MUC12: variants seen among roughly 807,000 people sequenced by gnomAD.
MUC12 encodes mucin 12, cell surface associated, also known as mucin-12.
In MUC12, 172 loss-of-function variants were observed where a neutral mutation model predicts 230.8. The ratio of observed to expected loss-of-function variants is 0.75; its 90% CI spans 0.66 to 0.85. MUC12 has a LOEUF of 0.85. Among genes scored for constraint, MUC12 ranks in the 40% least tolerant of loss-of-function variants. The pLI, the probability that MUC12 is intolerant of heterozygous loss-of-function variation, is 0.00. For synonymous variants in MUC12, 1,259 were observed against 2,401.9 expected (o/e 0.52, Z 13.91); for missense variants, 3,506 against 5,920.6 (o/e 0.59, Z 13.38).
intron 6 of MUC12, 94 bp downstream of exon 6, chr7:101,012,541 C>T (rs1793853671): frequency 7.3e-7 from 1 of 1,362,632 alleles, no homozygotes; most frequent in Non-Finnish European, 9.9e-7. Flanking sequence ...TTCTGGTACT[C>T]CCAAGACTTC....
rs776013369 is a variant in MUC12, at chr7:100,993,082, C to A, written c.2519C>A (p.Ala840Asp). Residue 840 changes from alanine to aspartate, a missense_variant, in exon 2 of 12, where the codon GCC becomes GAC. Physicochemically the swap from Ala to Asp is moderately radical, Grantham distance 126 (BLOSUM62 -2). Coordinates refer to ENST00000536621, the MANE Select transcript of MUC12 (RefSeq NM_001164462.2). ...PRSPATTLSP[A>D]STTSSGVSEE... ...TCACCAGCCACAACACTCTCACCTGCCAGCACGACAAGCTCAGGCGTCAGT... is the reference window on the plus strand; with the variant it reads ...TCACCAGCCACAACACTCTCACCTGACAGCACGACAAGCTCAGGCGTCAGT... The A allele has an allele frequency of 2.7e-5, 41 of 1,533,450 alleles. No homozygotes were observed. Among genetic ancestry groups the A allele is most frequent in the Non-Finnish European group, 3.6e-5 (41 of 1,146,690 alleles). The allele number at this position is 1,533,450 out of a possible 1,614,324, so 95.0% of individuals were successfully genotyped here.
At position 100,992,096 on chromosome 7, in the gene MUC12, C is replaced by G. The variant is rs1480943869; in HGVS notation, c.1533C>G (p.Ser511Arg). 4 of 1,537,266 alleles carry G rather than the reference C, an allele frequency of 2.6e-6. No individual in the cohort carries two copies. Among genetic ancestry groups the G allele is most frequent in the Admixed American group, 3.9e-5 (2 of 50,888 alleles). Residue 511 changes from serine (S) to arginine (R), a missense_variant, in exon 2 of 12, where the codon AGC becomes AGG. Transcript: ENST00000536621. ...CAGACACAACACACTTACCTGCCAG[C>G]ATGACAAGCTCAGGCGTCAGTGAAG... ...RSPDTTHLPASMTSSGVSEES... is the reference protein window; with the variant it reads ...RSPDTTHLPARMTSSGVSEES...
chr7:101,004,803 C>T lies in MUC12; in HGVS notation c.14240C>T (p.Ser4747Leu). 2.6e-6 allele frequency: 4 copies of T among 1,537,708 alleles called. No homozygotes were observed. The highest frequency in any genetic ancestry group is 8.7e-7 in the Non-Finnish European group (1 of 1,146,984). Residue 4747 changes from serine to leucine, a missense_variant, in exon 2 of 12, where the codon TCA becomes TTA. Physicochemically the swap from Ser to Leu is moderately radical, Grantham distance 145 (BLOSUM62 -2). Coordinates refer to ENST00000536621, the MANE Select transcript of MUC12 (RefSeq NM_001164462.2). ...ACCATCCTTTACAGTAGCTCCAGAT[C>T]ACCAGACCAAACACTCTCACCTGCC... ...KSTILYSSSR[S>L]PDQTLSPASM...
At chr7:100,977,389 C>A (rs921253489) in intron 1 of MUC12, among the ~76,000 whole-genome samples, 2 of 146,740 alleles carry the variant, frequency 1.4e-5, no homozygotes, top group African/African-American at 5.1e-5. Context: ...TTTTTTGAGA[C>A]GGAGTGTCTT....
At position 101,012,784 on chromosome 7, in the gene MUC12, TC is replaced by T; in HGVS notation, c.15404-34del. The T allele has an allele frequency of 2.6e-6, 4 of 1,531,072 alleles. No homozygotes were observed. In the South Asian group the frequency reaches 4.8e-5, roughly 18 times the overall value. The allele number at this position is 1,531,072 out of a possible 1,614,324, so 94.8% of individuals were successfully genotyped here. On this transcript the variant is annotated intron_variant, in intron 6 of 11. Transcript: ENST00000536621. ...CCCCAGGGAGGCAGAGGGAAGTGTT[TC>T]TATTCCATCTTCCTTCCCATCCACT...
rs781013388 is a variant in MUC12 at position 100,991,889 on chromosome 7, C to A, written c.1326C>A (p.Ser442Arg). 6.5e-6 allele frequency: 10 copies of A among 1,537,992 alleles called. No individual in the cohort carries two copies. Among genetic ancestry groups the A allele is most frequent in the Non-Finnish European group, 8.7e-6 (10 of 1,147,062 alleles). Residue 442 changes from serine to arginine, a missense_variant, in exon 2 of 12, where the codon AGC (serine) becomes AGA (arginine). By Grantham distance (110) the Ser-to-Arg change is moderately radical (BLOSUM62 -1). Coordinates refer to ENST00000536621, the MANE Select transcript of MUC12 (RefSeq NM_001164462.2). ...GRSEESKASHSSPDAMATTVL... is the reference protein window; with the variant it reads ...GRSEESKASHRSPDAMATTVL... ...GTGAGGAATCAAAAGCATCCCACAG[C>A]AGCCCAGATGCAATGGCAACAACAG...
Position 100,991,950 on chromosome 7 carries a change from G to A in MUC12, c.1387G>A (p.Gly463Arg). ...PAGSTPSVLVGDSTPSPISSG... is the reference protein window; with the variant it reads ...PAGSTPSVLVRDSTPSPISSG... Reference sequence around the variant, plus strand: ...CGGCTCTACACCCTCAGTTCTTGTTGGAGACTCGACGCCCTCACCCATCAG... The same window carrying A: ...CGGCTCTACACCCTCAGTTCTTGTTAGAGACTCGACGCCCTCACCCATCAG... The change falls in exon 2 of 12, where the codon GGA becomes AGA. Residue 463 changes from glycine (G) to arginine (R), a missense_variant. Physicochemically the swap from Gly to Arg is moderately radical, Grantham distance 125 (BLOSUM62 -2). Transcript: ENST00000536621. 6.5e-7 allele frequency: 1 copy of A among 1,537,814 alleles called. No homozygotes were observed. Among genetic ancestry groups the A allele is most frequent in the Non-Finnish European group, 8.7e-7 (1 of 1,147,050 alleles).
rs1165331467 is a variant in MUC12 at position 101,008,749 on chromosome 7, C to A, written c.15174C>A (p.Leu5058=). The change falls in exon 4 of 12, where the codon CTC becomes CTA. Residue 5058 remains leucine, a synonymous_variant. Coordinates refer to ENST00000536621, the MANE Select transcript of MUC12 (RefSeq NM_001164462.2). ...SSQEYQNFST[L]FKNRMDVVLK... ...AGGAATACCAGAACTTCAGTACCCT[C>A]TTCAAGAATCGGGTAAGACCAGGGC... 5 of 1,537,126 alleles carry A rather than the reference C, an allele frequency of 3.3e-6. No individual in the cohort carries two copies. Among genetic ancestry groups the A allele is most frequent in the Non-Finnish European group, 4.4e-6 (5 of 1,146,854 alleles).
In MUC12 at chr7:101,017,519, C is replaced by T. The variant is rs897311546; in HGVS notation, c.15878-56C>T. ...TTTTGCCAGAGGAAATCCCCTCTGC[C>T]CCCTAGTCCTCCCCCTACCAAGGCT... On this transcript the variant is annotated intron_variant, in intron 10 of 11. Coordinates refer to ENST00000536621, the MANE Select transcript of MUC12 (RefSeq NM_001164462.2). The T allele has an allele frequency of 8.9e-6, 10 of 1,124,058 alleles. No individual in the cohort carries two copies. In the African/African-American group the frequency reaches 1.1e-4, roughly 12 times the overall value. The allele number at this position is 1,124,058 out of a possible 1,614,324, so 69.6% of individuals were successfully genotyped here. A position where few individuals can be genotyped will look rare whatever the true frequency, so the allele number is the denominator to read the frequency against.
At chr7:101,018,119 C>T (rs1304248169) in intron 11 of MUC12, among the ~76,000 whole-genome samples, 6 of 6 alleles carry the variant, frequency 1, 3 homozygotes, top group Non-Finnish European at 1. Flanking sequence ...TTCCCTCCCT[C>T]CCCCTGGGAC....
chr7:100,977,071 AAAAAAAAAAAAG>A (rs1793043704), intron 1 of MUC12, among the ~76,000 whole-genome samples: 1 of 149,004 alleles, frequency 6.7e-6, no homozygotes, highest in African/African-American at 2.5e-5. Context: ...AAAAAAAAAA[AAAAAAAAAAAAG>A]AAATTGCTCA....
chr7:100,995,365 G>T lies in MUC12; in HGVS notation c.4802G>T (p.Ser1601Ile), dbSNP rs1382376365. ...GGCAGTACCACCATGCCAGGCGTCA[G>T]TCAGGAATCTACAGCTTCCCACAGC... The part of the protein sequence containing the change: ...FPGSTTMPGV[S>I]QESTASHSSP... Residue 1601 changes from serine (S) to isoleucine (I), a missense_variant, in exon 2 of 12, where the codon AGT (serine) becomes ATT (isoleucine). Physicochemically the swap from Ser to Ile is moderately radical, Grantham distance 142. Coordinates refer to ENST00000536621, the MANE Select transcript of MUC12 (RefSeq NM_001164462.2). 2.2e-5 allele frequency: 34 copies of T among 1,535,180 alleles called. No individual in the cohort carries two copies. The highest frequency in any genetic ancestry group is 2.9e-5 in the Non-Finnish European group (33 of 1,146,610).
rs749963339 is a variant in MUC12 at position 101,004,844 on chromosome 7, A to G, written c.14281A>G (p.Ser4761Gly). 3.3e-6 allele frequency: 5 copies of G among 1,537,020 alleles called. No individual in the cohort carries two copies. In the South Asian group the frequency reaches 4.8e-5, roughly 15 times the overall value. Residue 4761 changes from serine (S) to glycine (G), a missense_variant, in exon 2 of 12, where the codon AGC becomes GGC. Coordinates refer to ENST00000536621, the MANE Select transcript of MUC12 (RefSeq NM_001164462.2). ...TLSPASMTSSSISGEPTSLYS... is the reference protein window; with the variant it reads ...TLSPASMTSSGISGEPTSLYS... Reference sequence around the variant, plus strand: ...CTCACCTGCCAGCATGACAAGCTCCAGCATCAGTGGAGAACCCACCAGCTT... The same window carrying G: ...CTCACCTGCCAGCATGACAAGCTCCGGCATCAGTGGAGAACCCACCAGCTT...
chr7:100,995,937 G>T lies in MUC12; in HGVS notation c.5374G>T (p.Gly1792Cys). ...MHFPESSTAS[G>C]RSEESRTSHS... ...CTTCCCTGAAAGCTCCACAGCTTCA[G>T]GTCGTAGTGAAGAATCAAGAACTTC... Residue 1792 changes from glycine to cysteine, a missense_variant, in exon 2 of 12, where the codon GGT (glycine) becomes TGT (cysteine). Coordinates refer to ENST00000536621, the MANE Select transcript of MUC12 (RefSeq NM_001164462.2). 5.0e-6 allele frequency: 6 copies of T among 1,201,426 alleles called. No homozygotes were observed. Among genetic ancestry groups the T allele is most frequent in the Non-Finnish European group, 6.8e-6 (6 of 882,826 alleles). The allele number at this position is 1,201,426 out of a possible 1,614,324, so 74.4% of individuals were successfully genotyped here.
At chr7:101,009,036 T>G (rs12540832) in intron 4 of MUC12, 59 bp from the exon 5 acceptor site, 792,114 of 1,516,408 alleles carry the variant, frequency 0.52, 208,314 homozygotes, top group East Asian at 0.6. Flanking sequence ...TCAAGAAGGG[T>G]AACAGGAGAG....
chr7:100,982,097 C>T (rs1200154280), intron 1 of MUC12, among the ~76,000 whole-genome samples: 1 of 152,010 alleles, frequency 6.6e-6, no homozygotes, highest in Non-Finnish European at 1.5e-5. Context: ...GAACTCCTGA[C>T]CTCAGGTGAT....
In MUC12 at chr7:100,992,577, C is replaced by G. The variant is rs375864306; in HGVS notation, c.2014C>G (p.His672Asp). 211 of 1,537,778 alleles carry G rather than the reference C, an allele frequency of 1.4e-4. 1 individual carries two copies. The highest frequency in any genetic ancestry group is 5.1e-4 in the Admixed American group (26 of 50,982). ...HGSPSSIPTT[H>D]ISARSTTSGL... The stretch of plus-strand genomic sequence containing the variant: ...CAGCCCGAGCTCAATTCCAACAACC[C>G]ACATTTCTGCCCGCTCCACAACCTC... Residue 672 changes from histidine (H) to aspartate (D), a missense_variant, in exon 2 of 12, where the codon CAC becomes GAC. Transcript: ENST00000536621.
At chr7:101,010,199 C>T (rs1003688680) in intron 5 of MUC12, among the ~76,000 whole-genome samples, 2 of 151,836 alleles carry the variant, frequency 1.3e-5, no homozygotes, top group African/African-American at 4.8e-5. Context: ...CCCTGTGCTG[C>T]GTGGAGGAAT....
At chr7:100,977,050 C>CAAAAAAAAAAA (rs1157648244) in intron 1 of MUC12, among the ~76,000 whole-genome samples, 2 of 62,414 alleles carry the variant, frequency 3.2e-5, no homozygotes, top group African/African-American at 1.3e-4. Flanking sequence ...GACTCCATCT[C>CAAAAAAAAAAA]AAAAAAAAAA....
Sources: gnomAD v4.1 joint callset for allele counts (sites outside exome capture counted in the v4.1 genomes callset) on GRCh38, gnomAD v4.1.1 for gene constraint, MANE v1.5 for transcripts, NCBI Gene and HGNC (gene_info 2026-07-23, HGNC 2026-07-21) for gene names.